Variants in C10orf90 observed in about 807,000 individuals in gnomAD.
C10orf90 encodes the protein (E2-independent) E3 ubiquitin-conjugating enzyme FATS.
C10orf90 carries 56 observed loss-of-function variants against 62.5 expected under a neutral mutation model. The observed-to-expected ratio is 0.90, with a 90% CI of 0.72 to 1.12. C10orf90 has a LOEUF of 1.12. Ranked by LOEUF, C10orf90 falls within the 50% of genes most tolerant of loss-of-function variation. The pLI is 0.00. For synonymous variants in C10orf90, 386 were observed against 340.4 expected (o/e 1.13, Z -1.47); for missense variants, 970 against 880.4 (o/e 1.10, Z -1.29).
chr10:126,586,557 A>G (rs921598539), intron 2 of C10orf90, among the ~76,000 whole-genome samples: 1 of 152,158 alleles, frequency 6.6e-6, no homozygotes, highest in African/African-American at 2.4e-5. Flanking sequence ...CGAAATGGCC[A>G]TTTACATCCT....
At chr10:126,573,367 G>A (rs1375214660) in intron 2 of C10orf90, among the ~76,000 whole-genome samples, 1 of 152,190 alleles carries the variant, frequency 6.6e-6, no homozygotes, top group Non-Finnish European at 1.5e-5. Flanking sequence ...TAGGCCCAAG[G>A]TGTGGCGCCA....
intron 2 of C10orf90, 88 bp downstream of exon 2, chr10:126,646,477 C>T (rs747140532): frequency 2.3e-5 from 7 of 302,408 alleles, no homozygotes; most frequent in Admixed American, 1.4e-4. Flanking sequence ...AAGTACATTC[C>T]ATTATTAATA....
chr10:126,610,400 G>T (rs955567070), intron 2 of C10orf90, among the ~76,000 whole-genome samples: 1 of 152,216 alleles, frequency 6.6e-6, no homozygotes, highest in Non-Finnish European at 1.5e-5. Flanking sequence ...CCAGGGCTCT[G>T]CAGTTTTCCC....
intron 2 of C10orf90, among the ~76,000 whole-genome samples, chr10:126,615,234 A>C (rs1194431410): frequency 6.6e-6 from 1 of 152,196 alleles, no homozygotes; most frequent in Non-Finnish European, 1.5e-5. Flanking sequence ...AGCAAGTCAC[A>C]TGACCCAGTC....
chr10:126,571,190 G>A (rs1591109503), intron 2 of C10orf90, among the ~76,000 whole-genome samples: 2 of 152,230 alleles, frequency 1.3e-5, no homozygotes, highest in East Asian at 3.8e-4. Flanking sequence ...GACCCACGAG[G>A]TCCTTCTGGG....
At chr10:126,500,941 A>G (rs902248783) in intron 4 of C10orf90, among the ~76,000 whole-genome samples, 5 of 152,218 alleles carry the variant, frequency 3.3e-5, no homozygotes, top group African/African-American at 1.2e-4. Flanking sequence ...CCCACCAAGC[A>G]GCTGAATGTC....
intron 4 of C10orf90, among the ~76,000 whole-genome samples, chr10:126,502,265 A>T (rs1287801862): frequency 6.6e-6 from 1 of 152,226 alleles, no homozygotes; most frequent in African/African-American, 2.4e-5. Flanking sequence ...ATTGTAAAAA[A>T]GGTATTCAAG....
chr10:126,667,523 G>T (rs74912763), intron 1 of C10orf90, among the ~76,000 whole-genome samples: 30 of 152,196 alleles, frequency 2.0e-4, no homozygotes, highest in Middle Eastern at 3.2e-3. Flanking sequence ...GCCTGTCAGA[G>T]GACAGATGGG....
At chr10:126,472,092 C>T (rs1860614467) in intron 4 of C10orf90, among the ~76,000 whole-genome samples, 1 of 152,218 alleles carries the variant, frequency 6.6e-6, no homozygotes, top group Admixed American at 6.5e-5. Flanking sequence ...AGTTACCCTA[C>T]AGTCCTTTAT....
chr10:126,503,859 G>A (rs1218350917), intron 4 of C10orf90, 98 bp downstream of exon 4: 1 of 1,406,218 alleles, frequency 7.1e-7, no homozygotes, highest in African/African-American at 1.4e-5. Context: ...ACTGAGAAAT[G>A]CCTCTTAGAA....
chr10:126,492,194 G>T (rs1861803256), intron 4 of C10orf90, among the ~76,000 whole-genome samples: 2 of 152,152 alleles, frequency 1.3e-5, no homozygotes, highest in South Asian at 2.1e-4. Flanking sequence ...GACCAATTTT[G>T]CTCCCTGGGG....
At chr10:126,462,143 A>G (rs968916225) in intron 5 of C10orf90, among the ~76,000 whole-genome samples, 1 of 152,174 alleles carries the variant, frequency 6.6e-6, no homozygotes, top group Non-Finnish European at 1.5e-5. Context: ...CAGGAAATGA[A>G]TGGATCCAAC....
At chr10:126,657,565 C>T (rs1487535789) in intron 1 of C10orf90, among the ~76,000 whole-genome samples, 1 of 151,160 alleles carries the variant, frequency 6.6e-6, no homozygotes, top group Non-Finnish European at 1.5e-5. Flanking sequence ...CTTTGTGGGG[C>T]TGTGCTTTTG....
At chr10:126,445,023 T>C (rs1471503283) in intron 7 of C10orf90, among the ~76,000 whole-genome samples, 1 of 152,206 alleles carries the variant, frequency 6.6e-6, no homozygotes, top group Non-Finnish European at 1.5e-5. Context: ...CAACTCAAGA[T>C]GGATTAAGGA....
chr10:126,463,712 C>T (rs1425715416), intron 5 of C10orf90, among the ~76,000 whole-genome samples: 1 of 152,240 alleles, frequency 6.6e-6, no homozygotes, highest in African/African-American at 2.4e-5. Context: ...GCTCAAATCA[C>T]TTCCTTGGCA....
intron 3 of C10orf90, among the ~76,000 whole-genome samples, chr10:126,508,984 A>G (rs1038373788): frequency 2.0e-5 from 3 of 152,210 alleles, no homozygotes; most frequent in African/African-American, 7.2e-5. Flanking sequence ...AGCCACAGCC[A>G]GAGCCCAGGG....
At chr10:126,619,459 C>T (rs764005893) in intron 2 of C10orf90, among the ~76,000 whole-genome samples, 3 of 152,170 alleles carry the variant, frequency 2.0e-5, no homozygotes, top group Admixed American at 6.5e-5. Context: ...CTCTTGACAA[C>T]GTCTACTTCA....
intron 2 of C10orf90, among the ~76,000 whole-genome samples, chr10:126,546,615 G>A (rs960473728): frequency 6.6e-6 from 1 of 152,198 alleles, no homozygotes; most frequent in African/African-American, 2.4e-5. Context: ...GAGGCTGAGT[G>A]GGGAGCAGAG....
chr10:126,575,774 A>G (rs907567565), intron 2 of C10orf90, among the ~76,000 whole-genome samples: 4 of 152,086 alleles, frequency 2.6e-5, no homozygotes, highest in Admixed American at 2.6e-4. Flanking sequence ...AAATTAATCT[A>G]CATATCTTTA....
Sources: gnomAD v4.1 joint callset for allele counts (sites outside exome capture counted in the v4.1 genomes callset) on GRCh38, gnomAD v4.1.1 for gene constraint, MANE v1.5 for transcripts, NCBI Gene and HGNC (gene_info 2026-07-23, HGNC 2026-07-21) for gene names.